Variants in RBFOX1 observed in about 807,000 individuals in gnomAD.
The protein encoded by RBFOX1 is RNA binding protein fox-1 homolog 1.
A neutral mutation model predicts 57.7 loss-of-function variants in RBFOX1; 8 were observed. The observed-to-expected ratio is 0.14, with a 90% CI of 0.08 to 0.25. The LOEUF (loss-of-function observed/expected upper bound fraction) is 0.25, where lower values mean the gene tolerates loss of function less well. RBFOX1 is among the 10% of genes least tolerant of loss of function. The probability of loss-of-function intolerance (pLI) is 1.00; values close to 1 mark genes in which losing one functional copy is unlikely to be tolerated. For missense variants in RBFOX1, 611 were observed against 548.5 expected, an observed-to-expected ratio of 1.11 and a Z score of -1.14; for synonymous variants, 326 against 222.4, an observed-to-expected ratio of 1.47 and a Z score of -4.15.
chr16:6,008,424 C>T (rs2094939972), intron 4 of RBFOX1, among the ~76,000 whole-genome samples: 1 of 152,000 alleles, frequency 6.6e-6, no homozygotes, highest in Non-Finnish European at 1.5e-5. Context: ...AAGACAGTAG[C>T]TTTAGTGGAG....
intron 3 of RBFOX1, among the ~76,000 whole-genome samples, chr16:6,752,896 G>T (rs1421541428): frequency 6.6e-6 from 1 of 151,676 alleles, no homozygotes; most frequent in Non-Finnish European, 1.5e-5. Flanking sequence ...TTCTCCCAGA[G>T]AATTTTTATC....
intron 4 of RBFOX1, among the ~76,000 whole-genome samples, chr16:7,352,365 A>T (rs1266391160): frequency 6.6e-6 from 1 of 152,156 alleles, no homozygotes. Context: ...GAAGCTATAT[A>T]TCCTGTTCTC....
chr16:6,526,502 C>A (rs1049572198), intron 2 of RBFOX1, among the ~76,000 whole-genome samples: 2 of 152,034 alleles, frequency 1.3e-5, no homozygotes, highest in African/African-American at 4.8e-5. Flanking sequence ...AGGCTAGATG[C>A]TTTATACACA....
At chr16:7,295,768 C>T (rs909281470) in intron 4 of RBFOX1, among the ~76,000 whole-genome samples, 10 of 152,232 alleles carry the variant, frequency 6.6e-5, no homozygotes, top group African/African-American at 2.4e-4. Flanking sequence ...ATCGCAACTC[C>T]ATATTTCAGG....
At chr16:6,465,875 T>G (rs1468488374) in intron 2 of RBFOX1, among the ~76,000 whole-genome samples, 1 of 124,678 alleles carries the variant, frequency 8.0e-6, no homozygotes, top group Non-Finnish European at 1.6e-5. Flanking sequence ...ACTAAATACA[T>G]TTGTGTGTTT....
chr16:5,389,684 T>C (rs919328491), intron 1 of RBFOX1, among the ~76,000 whole-genome samples: 12 of 151,788 alleles, frequency 7.9e-5, no homozygotes, highest in African/African-American at 2.7e-4. Context: ...TTTTATTTTA[T>C]TATTTTATTT....
chr16:6,620,912 C>G (rs577077485), intron 2 of RBFOX1, among the ~76,000 whole-genome samples: 2 of 152,314 alleles, frequency 1.3e-5, no homozygotes, highest in Admixed American at 6.5e-5. Flanking sequence ...TTACCACAAA[C>G]TGGTGGCTTA....
At chr16:7,350,790 G>A (rs137924038) in intron 4 of RBFOX1, among the ~76,000 whole-genome samples, 49 of 152,274 alleles carry the variant, frequency 3.2e-4, no homozygotes, top group African/African-American at 1.1e-3. Flanking sequence ...CAGTGTTAAT[G>A]GAATGAGAGG....
At chr16:5,891,205 T>TCTCA (rs1555560371) in intron 4 of RBFOX1, among the ~76,000 whole-genome samples, 1 of 151,824 alleles carries the variant, frequency 6.6e-6, no homozygotes, top group Non-Finnish European at 1.5e-5. Flanking sequence ...CCCTCCTCTC[T>TCTCA]CTCGTGCATG....
At chr16:7,323,002 A>C (rs901720746) in intron 4 of RBFOX1, among the ~76,000 whole-genome samples, 3 of 152,022 alleles carry the variant, frequency 2.0e-5, no homozygotes, top group Admixed American at 1.3e-4. Context: ...CCAGCCATCA[A>C]AGTCTTCTCC....
At chr16:5,460,808 G>C (rs1195326862) in intron 1 of RBFOX1, among the ~76,000 whole-genome samples, 2 of 152,194 alleles carry the variant, frequency 1.3e-5, no homozygotes, top group Non-Finnish European at 2.9e-5. Context: ...AGGCACAAAG[G>C]AAAAGCACAG....
intron 3 of RBFOX1, among the ~76,000 whole-genome samples, chr16:6,688,880 A>G (rs12919057): frequency 0.16 from 24,026 of 152,182 alleles, 2,064 homozygotes; most frequent in Middle Eastern, 0.21. Flanking sequence ...GAGGGAGAAC[A>G]TGCAGTACTT....
At chr16:6,760,754 G>A (rs939590220) in intron 3 of RBFOX1, among the ~76,000 whole-genome samples, 1 of 152,198 alleles carries the variant, frequency 6.6e-6, no homozygotes, top group South Asian at 2.1e-4. Context: ...CAGCCTTGGT[G>A]CAAGATGCAG....
chr16:6,621,293 G>T (rs11860068), intron 2 of RBFOX1, among the ~76,000 whole-genome samples: 1 of 151,830 alleles, frequency 6.6e-6, no homozygotes, highest in African/African-American at 2.4e-5. Context: ...AACCCCGTCT[G>T]TACTAAAAAT....
At chr16:5,534,000 G>A (rs933794115) in intron 2 of RBFOX1, among the ~76,000 whole-genome samples, 1 of 152,180 alleles carries the variant, frequency 6.6e-6, no homozygotes, top group Non-Finnish European at 1.5e-5. Context: ...GCCAGGGTCA[G>A]TGTCCCCAAA....
At position 6,926,179 on chromosome 16, in the gene RBFOX1, C is replaced by A. The variant is rs573737760; in HGVS notation, c.-15-125878C>A. Among the ~76,000 whole-genome samples the A allele has an allele frequency of 6.6e-5, 10 of 152,220 alleles. No homozygotes were observed. The South Asian group carries it at 2.1e-3, about 32-fold the overall frequency. ...AAAACTAGCTGGGCATGGTGGTGTGCATCTGTAATCTCAGCTAATCCAGAG... is the reference window on the plus strand; with the variant it reads ...AAAACTAGCTGGGCATGGTGGTGTGAATCTGTAATCTCAGCTAATCCAGAG... On this transcript the variant is annotated intron_variant, in intron 3 of 15. Coordinates refer to ENST00000550418, the MANE Select transcript of RBFOX1 (RefSeq NM_018723.4).
chr16:6,981,714 C>G (rs1016384585), intron 3 of RBFOX1, among the ~76,000 whole-genome samples: 2 of 152,078 alleles, frequency 1.3e-5, no homozygotes, highest in East Asian at 1.9e-4. Context: ...GAGTCAGTAT[C>G]CTGAGAACAG....
At chr16:6,533,537 C>T (rs2096690511) in intron 2 of RBFOX1, among the ~76,000 whole-genome samples, 1 of 152,136 alleles carries the variant, frequency 6.6e-6, no homozygotes. Flanking sequence ...GTGCTTTTAC[C>T]TAGCCCCTTA....
chr16:6,191,129 G>GTTTTTTTT (rs5815289), intron 1 of RBFOX1, among the ~76,000 whole-genome samples: 17 of 133,946 alleles, frequency 1.3e-4, no homozygotes, highest in Non-Finnish European at 1.3e-4. Context: ...TGCGTCTGTG[G>GTTTTTTTT]TTTTTTTTTT....
Sources: gnomAD v4.1 joint callset for allele counts (sites outside exome capture counted in the v4.1 genomes callset) on GRCh38, gnomAD v4.1.1 for gene constraint, MANE v1.5 for transcripts, NCBI Gene and HGNC (gene_info 2026-07-23, HGNC 2026-07-21) for gene names.